KCNH7: variants seen among roughly 807,000 people sequenced by gnomAD.
KCNH7 encodes the protein potassium voltage-gated channel subfamily H member 7.
In KCNH7, 49 loss-of-function variants were observed where a neutral mutation model predicts 120.8. The observed-to-expected ratio is 0.41, with a 90% CI of 0.32 to 0.51. The LOEUF is 0.51. Ranked by LOEUF, KCNH7 falls within the 20% of genes least tolerant of loss-of-function variation. The pLI, the probability that KCNH7 is intolerant of heterozygous loss-of-function variation, is 0.38. For synonymous variants in KCNH7, 547 were observed against 516.1 expected, an observed-to-expected ratio of 1.06 and a Z score of -0.81; for missense variants, 1,097 against 1,446.6, an observed-to-expected ratio of 0.76 and a Z score of 3.92.
intron 5 of KCNH7, among the ~76,000 whole-genome samples, chr2:162,507,216 A>G (rs1266570531): frequency 1.3e-5 from 2 of 151,750 alleles, no homozygotes; most frequent in Admixed American, 6.6e-5. Flanking sequence ...AGTTTAGTTT[A>G]CAATCTGTGT....
At chr2:162,659,894 C>G (rs1684900737) in intron 2 of KCNH7, among the ~76,000 whole-genome samples, 1 of 152,018 alleles carries the variant, frequency 6.6e-6, no homozygotes, top group African/African-American at 2.4e-5. Flanking sequence ...TAGAACTCAC[C>G]ATTGAACTCA....
At chr2:162,732,861 A>G (rs1687775976) in intron 2 of KCNH7, among the ~76,000 whole-genome samples, 1 of 152,204 alleles carries the variant, frequency 6.6e-6, no homozygotes, top group South Asian at 2.1e-4. Context: ...ATCATTATTC[A>G]GAAACTGTGG....
intron 13 of KCNH7, among the ~76,000 whole-genome samples, chr2:162,383,297 G>A (rs1485719093): frequency 6.6e-6 from 1 of 151,848 alleles, no homozygotes; most frequent in Non-Finnish European, 1.5e-5. Flanking sequence ...TCTATTTTTA[G>A]CACTTCCCAG....
intron 11 of KCNH7, among the ~76,000 whole-genome samples, chr2:162,395,529 G>A (rs998381424): frequency 1.2e-4 from 18 of 151,614 alleles, no homozygotes; most frequent in Admixed American, 6.6e-4. Context: ...TTTGAGTACT[G>A]ACTAAACTTT....
intron 2 of KCNH7, among the ~76,000 whole-genome samples, chr2:162,795,239 CA>C (rs1684100310): frequency 6.6e-6 from 1 of 151,870 alleles, no homozygotes; most frequent in South Asian, 2.1e-4. Context: ...TTATCATTAC[CA>C]AATTCAGCGG....
chr2:162,583,700 A>G (rs960096301), intron 2 of KCNH7, among the ~76,000 whole-genome samples: 9 of 152,118 alleles, frequency 5.9e-5, no homozygotes, highest in Admixed American at 3.9e-4. Context: ...TACAAATTTA[A>G]TACAACAAAA....
chr2:162,603,284 A>C (rs1694621578), intron 2 of KCNH7, among the ~76,000 whole-genome samples: 1 of 152,090 alleles, frequency 6.6e-6, no homozygotes, highest in East Asian at 1.9e-4. Flanking sequence ...CCAATAAAAT[A>C]AAATATGGTG....
intron 2 of KCNH7, among the ~76,000 whole-genome samples, chr2:162,780,699 G>C (rs999397583): frequency 6.6e-6 from 1 of 152,128 alleles, no homozygotes; most frequent in African/African-American, 2.4e-5. Flanking sequence ...TGTAAAGTTA[G>C]TTACGTGTAA....
At chr2:162,644,089 C>T (rs918175470) in intron 2 of KCNH7, among the ~76,000 whole-genome samples, 10 of 151,910 alleles carry the variant, frequency 6.6e-5, no homozygotes, top group Admixed American at 1.3e-4. Context: ...CTCCTACCCC[C>T]GCCCCCCACA....
intron 8 of KCNH7, among the ~76,000 whole-genome samples, chr2:162,432,905 C>A (rs568798116): frequency 6.6e-6 from 1 of 151,916 alleles, no homozygotes; most frequent in Admixed American, 6.6e-5. Flanking sequence ...TTCCTATAAA[C>A]AACCAAAAAT....
chr2:162,381,805 C>G (rs1404081089), intron 13 of KCNH7, among the ~76,000 whole-genome samples: 1 of 152,092 alleles, frequency 6.6e-6, no homozygotes, highest in Non-Finnish European at 1.5e-5. Flanking sequence ...TTTTAAGTCA[C>G]TTATCTGCAG....
At chr2:162,695,172 T>C (rs1686246148) in intron 2 of KCNH7, among the ~76,000 whole-genome samples, 1 of 152,130 alleles carries the variant, frequency 6.6e-6, no homozygotes, top group South Asian at 2.1e-4. Context: ...CTAATGATAT[T>C]TTAAGGAGTA....
At chr2:162,723,867 A>C (rs34149362) in intron 2 of KCNH7, among the ~76,000 whole-genome samples, 3,430 of 152,300 alleles carry the variant, frequency 0.023, 72 homozygotes, top group East Asian at 0.11. Context: ...TATGAAGGCT[A>C]CAATCATAAC....
chr2:162,562,158 A>T (rs969539265), intron 2 of KCNH7, among the ~76,000 whole-genome samples: 1 of 152,154 alleles, frequency 6.6e-6, no homozygotes, highest in East Asian at 1.9e-4. Flanking sequence ...ATGTATACCT[A>T]TGTAACAAAC....
intron 9 of KCNH7, among the ~76,000 whole-genome samples, chr2:162,409,872 A>G (rs1687333612): frequency 6.6e-6 from 1 of 152,028 alleles, no homozygotes; most frequent in Non-Finnish European, 1.5e-5. Context: ...TACAGCTTTC[A>G]AGGAGGTGAA....
intron 6 of KCNH7, among the ~76,000 whole-genome samples, chr2:162,499,457 G>A (rs1690604540): frequency 6.6e-6 from 1 of 151,840 alleles, no homozygotes; most frequent in Non-Finnish European, 1.5e-5. Flanking sequence ...GGACTGTAGT[G>A]CAGGAAAAAA....
chr2:162,782,197 C>A (rs1255736686), intron 2 of KCNH7, among the ~76,000 whole-genome samples: 2 of 152,170 alleles, frequency 1.3e-5, no homozygotes, highest in Admixed American at 1.3e-4. Context: ...GAAATTCTCT[C>A]TGCTTACTGA....
chr2:162,622,026 T>C (rs968132669), intron 2 of KCNH7, among the ~76,000 whole-genome samples: 1 of 152,230 alleles, frequency 6.6e-6, no homozygotes, highest in Admixed American at 6.5e-5. Context: ...TGATATATAG[T>C]TTGCTATTCT....
At position 162,491,033 on chromosome 2, in the gene KCNH7, C is replaced by CGCAGGACAGGAATAA. The variant is rs1371664294; in HGVS notation, c.1128+13395_1128+13409dup. On this transcript the variant is annotated intron_variant, in intron 6 of 15. Transcript: ENST00000332142. ...ACACATATGCTGCGTTCAGTGACCA[C>CGCAGGACAGGAATAA]GCAGGACAGGAATAAGCTGTGGCTG... is the stretch of plus-strand genomic sequence containing the variant. Among the ~76,000 whole-genome samples the CGCAGGACAGGAATAA allele has an allele frequency of 7.8e-4, 119 of 152,260 alleles. 1 individual carries two copies. Among genetic ancestry groups the CGCAGGACAGGAATAA allele is most frequent in the African/African-American group, 2.7e-3 (114 of 41,566 alleles).
Sources: allele counts gnomAD v4.1 joint callset (sites outside exome capture counted in the v4.1 genomes callset), GRCh38; gene constraint gnomAD v4.1.1; transcripts MANE v1.5; gene names NCBI Gene and HGNC (gene_info 2026-07-23, HGNC 2026-07-21).